The following THSD4 variants were observed in gnomAD, a reference collection of about 807,000 sequenced individuals.
The protein encoded by THSD4 is thrombospondin type-1 domain-containing protein 4.
THSD4 carries 69 observed loss-of-function variants against 119.0 expected under a neutral mutation model. The observed-to-expected ratio is 0.58, with a 90% confidence interval of 0.48 to 0.71. THSD4 has a LOEUF of 0.71. Among genes scored for constraint, THSD4 ranks in the 30% least tolerant of loss-of-function variants. THSD4 has a pLI of 0.00. For missense variants in THSD4, 1,393 were observed against 1,391.1 expected, an observed-to-expected ratio of 1.00 and a Z score of -0.02; for synonymous variants, 524 against 540.4, an observed-to-expected ratio of 0.97 and a Z score of 0.42.
chr15:71,441,481 G>GTTT (rs144658901), intron 7 of THSD4, among the ~76,000 whole-genome samples: 2 of 132,194 alleles, frequency 1.5e-5, no homozygotes. Flanking sequence ...GCCCCCTGGG[G>GTTT]TTTTTTTTTT....
At chr15:71,288,810 T>C (rs1392256438) in intron 6 of THSD4, among the ~76,000 whole-genome samples, 3 of 152,212 alleles carry the variant, frequency 2.0e-5, no homozygotes, top group Admixed American at 6.5e-5. Flanking sequence ...AGCTTGCTGA[T>C]GTTTGGTGCA....
chr15:71,434,963 C>T (rs1405010609), intron 7 of THSD4, among the ~76,000 whole-genome samples: 1 of 152,032 alleles, frequency 6.6e-6, no homozygotes, highest in Non-Finnish European at 1.5e-5. Flanking sequence ...TAAAGAGGTG[C>T]AAAGAAACAG....
intron 6 of THSD4, among the ~76,000 whole-genome samples, chr15:71,371,000 T>C (rs1566958537): frequency 1.3e-5 from 2 of 152,242 alleles, no homozygotes; most frequent in Non-Finnish European, 2.9e-5. Context: ...TAGTTAGCTC[T>C]TCTTGTTGAA....
intron 6 of THSD4, among the ~76,000 whole-genome samples, chr15:71,355,664 C>T (rs557415488): frequency 7.4e-4 from 113 of 152,136 alleles, no homozygotes; most frequent in Middle Eastern, 3.4e-3. Flanking sequence ...CCCTGCTCAG[C>T]GGAGAACATG....
At chr15:71,250,168 C>CT (rs1377385446) in intron 5 of THSD4, among the ~76,000 whole-genome samples, 1 of 152,170 alleles carries the variant, frequency 6.6e-6, no homozygotes, top group African/African-American at 2.4e-5. Context: ...ATCCTCATTA[C>CT]TGTCAACACC....
At chr15:71,705,373 A>G (rs1334323843) in intron 8 of THSD4, among the ~76,000 whole-genome samples, 2 of 152,162 alleles carry the variant, frequency 1.3e-5, no homozygotes, top group Admixed American at 6.5e-5. Flanking sequence ...AACCAGACCC[A>G]CATTCCTCAG....
At chr15:71,653,690 G>A (rs2051136189) in intron 7 of THSD4, among the ~76,000 whole-genome samples, 1 of 152,218 alleles carries the variant, frequency 6.6e-6, no homozygotes, top group South Asian at 2.1e-4. Flanking sequence ...AACCAAAGCA[G>A]TTCTGCTCTT....
upstream of THSD4, chr15:71,114,786 A>G (rs1406650066): frequency 6.6e-6 from 1 of 152,194 alleles, no homozygotes; most frequent in Admixed American, 6.5e-5. Context: ...ATTACTCTGA[A>G]TAAGACAAGA....
chr15:71,582,985 G>A (rs993225292), intron 7 of THSD4, among the ~76,000 whole-genome samples: 2 of 152,084 alleles, frequency 1.3e-5, no homozygotes, highest in African/African-American at 4.8e-5. Context: ...TTTTTTTGAA[G>A]GGTCTGGGAA....
intron 3 of THSD4, among the ~76,000 whole-genome samples, chr15:71,181,418 G>T (rs1157286610): frequency 1.3e-5 from 2 of 152,148 alleles, no homozygotes; most frequent in Admixed American, 6.5e-5. Flanking sequence ...TGTTTGGAAG[G>T]CCCTTTACAA....
At chr15:71,153,862 T>A (rs200539124) in intron 2 of THSD4, among the ~76,000 whole-genome samples, 2 of 152,294 alleles carry the variant, frequency 1.3e-5, no homozygotes, top group East Asian at 3.9e-4. Context: ...CATTGATGAT[T>A]TGAAATCATG....
At chr15:71,306,107 A>G (rs1254268938) in intron 6 of THSD4, among the ~76,000 whole-genome samples, 1 of 152,092 alleles carries the variant, frequency 6.6e-6, no homozygotes, top group Non-Finnish European at 1.5e-5. Context: ...GGAGTTCAAG[A>G]CCAGCCTGGC....
intron 5 of THSD4, among the ~76,000 whole-genome samples, chr15:71,247,461 A>G (rs2044215420): frequency 6.6e-6 from 1 of 152,182 alleles, no homozygotes; most frequent in South Asian, 2.1e-4. Context: ...AAAGGCATTA[A>G]CAGTGCAGAT....
At chr15:71,470,794 C>T (rs1432712996) in intron 7 of THSD4, among the ~76,000 whole-genome samples, 1 of 151,832 alleles carries the variant, frequency 6.6e-6, no homozygotes, top group East Asian at 1.9e-4. Flanking sequence ...CGCCACCGCG[C>T]CCGGCTAATT....
At position 71,631,407 on chromosome 15, in the gene THSD4, G is replaced by A. The variant is rs572340486; in HGVS notation, c.1153-29123G>A. On this transcript the variant is annotated intron_variant, in intron 7 of 17. Transcript: ENST00000261862. ...ATTAACAAGAGGGTGAAAAAGGAAA[G>A]GCCGAGAATGACAAACACCCTCACT... 4.7e-4 allele frequency among the ~76,000 whole-genome samples: 72 copies of A among 152,284 alleles called. No individual in the cohort carries two copies. The South Asian group carries it at 0.013, about 28-fold the overall frequency.
At chr15:71,125,349 G>A (rs1327577469) in intron 1 of THSD4, among the ~76,000 whole-genome samples, 1 of 152,230 alleles carries the variant, frequency 6.6e-6, no homozygotes, top group East Asian at 1.9e-4. Context: ...CTTGTGTCTG[G>A]CACACAGTGA....
At chr15:71,158,134 T>G (rs898968035) in intron 3 of THSD4, among the ~76,000 whole-genome samples, 30 of 151,084 alleles carry the variant, frequency 2.0e-4, no homozygotes, top group African/African-American at 6.6e-4. Context: ...TTCCACATCC[T>G]TACCAACACT....
chr15:71,547,698 C>T (rs2048858841), intron 7 of THSD4: 3 of 520,674 alleles, frequency 5.8e-6, no homozygotes, highest in Middle Eastern at 5.6e-4. Flanking sequence ...TTGAAGCTGT[C>T]TGTGCAGTTG....
At chr15:71,487,802 AAT>A (rs1267550300) in intron 7 of THSD4, among the ~76,000 whole-genome samples, 2 of 151,986 alleles carry the variant, frequency 1.3e-5, no homozygotes, top group African/African-American at 4.8e-5. Flanking sequence ...CTTTTCTTCC[AAT>A]ATATCTTGAA....
Sources: gnomAD v4.1 joint callset for allele counts (sites outside exome capture counted in the v4.1 genomes callset) on GRCh38, gnomAD v4.1.1 for gene constraint, MANE v1.5 for transcripts, NCBI Gene and HGNC (gene_info 2026-07-23, HGNC 2026-07-21) for gene names.